The following NCOR2 variants were observed in gnomAD, a reference collection of about 807,000 sequenced individuals.
NCOR2 encodes nuclear receptor corepressor 2, also known as CTG repeat protein 26.
Under a neutral mutation model 262.9 loss-of-function variants are expected in NCOR2, and 81 were observed. The ratio of observed to expected loss-of-function variants is 0.31; its 90% confidence interval spans 0.26 to 0.37. The LOEUF (loss-of-function observed/expected upper bound fraction) is 0.37. NCOR2 is among the 10% of genes least tolerant of loss of function. The probability of loss-of-function intolerance (pLI) is 1.00; values close to 1 mark genes in which losing one functional copy is unlikely to be tolerated. For missense variants in NCOR2, 3,385 were observed against 3,621.4 expected (o/e 0.93, Z 1.68); for synonymous variants, 1,659 against 1,559.3 (o/e 1.06, Z -1.51).
At chr12:124,533,809 C>T (rs1302659339) in intron 1 of NCOR2, among the ~76,000 whole-genome samples, 1 of 152,202 alleles carries the variant, frequency 6.6e-6, no homozygotes, top group East Asian at 1.9e-4. Flanking sequence ...ACCTCAGTGC[C>T]AGCGGTACAC....
At chr12:124,375,859 C>T (rs1033177320) in intron 18 of NCOR2, among the ~76,000 whole-genome samples, 1 of 152,216 alleles carries the variant, frequency 6.6e-6, no homozygotes, top group South Asian at 2.1e-4. Context: ...CCAGATGCAA[C>T]AAGACGCTTT....
rs111337043 is a variant in NCOR2 at position 124,535,355 on chromosome 12, G to A, written c.-118+210C>T. On this transcript the variant is annotated intron_variant, in intron 1 of 46. Transcript: ENST00000404621. ...CACTGCACCAACTCAGCCAGGAAAC[G>A]GCCCATCACTGGGGGACCCCGCAAA... 3.3e-3 allele frequency among the ~76,000 whole-genome samples: 503 copies of A among 152,332 alleles called. 2 individuals carry two copies. The highest frequency in any genetic ancestry group is 0.011 in the African/African-American group (456 of 41,570).
chr12:124,566,367 G>A lies in NCOR2; in HGVS notation c.-165+941C>T, dbSNP rs1004543835. On this transcript the variant is annotated intron_variant, in intron 1 of 32. Coordinates refer to the NCOR2 transcript ENST00000458234. This position sits in a 1 kb window ranked among gnomAD's most constrained non-coding sequence, Gnocchi z 4.3. The stretch of plus-strand genomic sequence containing the variant: ...AATAAACCTACAATGTAAAAATAAC[G>A]CCGGGCGCCCCACGCTAATTGGGCC... Among the ~76,000 whole-genome samples, 4 of 152,132 alleles carry A rather than the reference G, an allele frequency of 2.6e-5. No homozygotes were observed. The highest frequency in any genetic ancestry group is 9.7e-5 in the African/African-American group (4 of 41,436).
At position 124,550,406 on chromosome 12, in the gene NCOR2, C is replaced by G. The variant is rs551189157; in HGVS notation, c.-164-14795G>C. Among the ~76,000 whole-genome samples the G allele has an allele frequency of 2.6e-5, 4 of 152,266 alleles. No individual in the cohort carries two copies. The South Asian group carries it at 8.3e-4, about 32-fold the overall frequency. On this transcript the variant is annotated intron_variant, in intron 1 of 32. Transcript: ENST00000458234. ...CCACCCCAGCTGCCAAATACCTGCC[C>G]CATCCTTCAGGAGTCTAACCTACTG...
intron 11 of NCOR2, among the ~76,000 whole-genome samples, chr12:124,422,798 ATATT>A (rs1470310470): frequency 6.6e-6 from 1 of 152,196 alleles, no homozygotes. Context: ...CTTTGAAAAT[ATATT>A]TGTTTGTCCT....
rs1019493236 is a variant in NCOR2 at position 124,389,649 on chromosome 12, C to T, written c.1877-3762G>A. Among the ~76,000 whole-genome samples the T allele has an allele frequency of 1.3e-5, 2 of 152,042 alleles. No homozygotes were observed. Among genetic ancestry groups the T allele is most frequent in the African/African-American group, 2.4e-5 (1 of 41,390 alleles). On this transcript the variant is annotated intron_variant, in intron 16 of 46. Coordinates refer to ENST00000405201, the Ensembl canonical transcript of NCOR2. The surrounding 1 kb of genome is among the most constrained non-coding windows in gnomAD (Gnocchi z 4.4). ...TGCCGAGGCTGACCGAGCCCTCTGT[C>T]GGGGACTGTGGGTGGGCAGGGCTAG...
intron 5 of NCOR2, 34 bp downstream of exon 7, chr12:124,466,138 AC>A (rs766690752): frequency 2.5e-6 from 4 of 1,572,648 alleles, no homozygotes; most frequent in East Asian, 4.7e-5. Flanking sequence ...CATGGCCAGC[AC>A]CGGGGGGCAG....
chr12:124,499,999 T>TC (rs915937349), upstream of NCOR2, among the ~76,000 whole-genome samples: 10 of 151,202 alleles, frequency 6.6e-5, no homozygotes, highest in Admixed American at 2.6e-4. Context: ...GCTGCAGGAG[T>TC]CCCGCTGCAC....
intron 1 of NCOR2, among the ~76,000 whole-genome samples, chr12:124,556,968 G>A (rs957534827): frequency 3.3e-5 from 5 of 152,262 alleles, no homozygotes; most frequent in African/African-American, 9.6e-5. Context: ...GCTGCCTGGT[G>A]CATTTCAGGA....
rs775150344 is a variant in NCOR2 at position 124,385,904 on chromosome 12, G to C, written c.1877-17C>G. 1.2e-6 allele frequency: 2 copies of C among 1,611,406 alleles called. No homozygotes were observed. The highest frequency in any genetic ancestry group is 2.2e-5 in the East Asian group (1 of 44,826). ...CCAGGAGACCTGTCTCAGGAGAGGA[G>C]GGCAGTGAGAAGAGGCCAGGCCCGG... On this transcript the variant is annotated splice_polypyrimidine_tract_variant and intron_variant, in intron 16 of 46. Coordinates refer to ENST00000405201, the Ensembl canonical transcript of NCOR2.
exon 31 of NCOR2, chr12:124,346,592 C>T (rs1440902243): frequency 9.5e-6 from 15 of 1,576,436 alleles, no homozygotes; most frequent in East Asian, 2.3e-5. Context: ...CTTGAGCGGC[C>T]GCGGGGCCAG....
intron 17 of NCOR2, among the ~76,000 whole-genome samples, chr12:124,381,224 G>A (rs1338840141): frequency 6.6e-6 from 1 of 151,754 alleles, no homozygotes; most frequent in Non-Finnish European, 1.5e-5. Flanking sequence ...CTCCCTGCTC[G>A]CTGCCCCAGC....
chr12:124,355,410 G>C (rs1324487620), intron 24 of NCOR2, 22 bp downstream of exon 26: 2 of 1,612,334 alleles, frequency 1.2e-6, no homozygotes, highest in Non-Finnish European at 1.7e-6. Flanking sequence ...AAGCCCCCAA[G>C]AAAGGAAGGG....
intron 1 of NCOR2, among the ~76,000 whole-genome samples, chr12:124,506,245 C>T (rs2049030182): frequency 2.0e-5 from 3 of 152,244 alleles, no homozygotes; most frequent in African/African-American, 7.2e-5. Context: ...CTGACTTGCC[C>T]AAGGCCACAC....
rs1488001578 is a variant in NCOR2, at chr12:124,325,499, G to A, written c.7448C>T (p.Ala2483Val). 11 of 1,357,882 alleles carry A rather than the reference G, an allele frequency of 8.1e-6. No homozygotes were observed. The highest frequency in any genetic ancestry group is 3.8e-5 in the Admixed American group (1 of 26,390). 84.1% of individuals were successfully genotyped at this position (1,357,882 alleles called of 1,614,324 possible). A position where few individuals can be genotyped will look rare whatever the true frequency, so the allele number is the denominator to read the frequency against. ...GGGGCCAGCGAGGGGCCCGCTGCCC[G>A]CGGGGAGGCCCGGTGGGGGTGGGGA... is the stretch of plus-strand genomic sequence containing the variant. The change falls in exon 47 of 47, where the codon GCG (alanine) becomes GTG (valine). Residue 2483 changes from alanine (A) to valine (V), a missense_variant. Ala to Val is a moderately conservative substitution (Grantham distance 64). This residue lies in a region of NCOR2 where 1,017 missense variants were observed against 967.2 expected (regional missense o/e 1.05). Coordinates refer to ENST00000405201, the Ensembl canonical transcript of NCOR2.
At chr12:124,499,031 TGA>T (rs1430101878), upstream of NCOR2, among the ~76,000 whole-genome samples, 3 of 152,204 alleles carry the variant, frequency 2.0e-5, no homozygotes, top group Admixed American at 2.0e-4. Context: ...TACAGGGCAG[TGA>T]TGCAAAGGTT....
chr12:124,334,983 C>G, intron 40 of NCOR2, 152 bp downstream of exon 42: 6 of 1,187,412 alleles, frequency 5.1e-6, no homozygotes, highest in Non-Finnish European at 7.3e-6. Context: ...GGATCTCACC[C>G]TCACCCACGC....
At chr12:124,332,319 T>G (rs138341911) in exon 43 of NCOR2, 1 of 1,614,076 alleles carries the variant, frequency 6.2e-7, no homozygotes. Context: ...GGCCCCTTAC[T>G]GTATTCAGGC....
At chr12:124,402,306 G>T in intron 14 of NCOR2, 98 bp downstream of exon 16, 1 of 1,559,244 alleles carries the variant, frequency 6.4e-7, no homozygotes, top group East Asian at 2.3e-5. Flanking sequence ...GGCAATTGGT[G>T]GGCACCCCAC....
Sources: gnomAD v4.1 joint callset for allele counts (sites outside exome capture counted in the v4.1 genomes callset) on GRCh38, gnomAD v4.1.1 for gene constraint, gnomAD v4.1.1 regional missense constraint, Gnocchi (gnomAD v3.1) non-coding constraint, MANE v1.5 for transcripts, NCBI Gene and HGNC (gene_info 2026-07-23, HGNC 2026-07-21) for gene names.